DCUN1D3: variants seen among roughly 807,000 people sequenced by gnomAD.
DCUN1D3 encodes the protein DCN1-like protein 3.
In DCUN1D3, 6 loss-of-function variants were observed where a neutral mutation model predicts 24.8. That is an observed-to-expected ratio of 0.24 (90% CI 0.13 to 0.48). DCUN1D3 has a LOEUF of 0.48. DCUN1D3 is among the 20% of genes least tolerant of loss of function. The probability of loss-of-function intolerance (pLI) is 0.99; values close to 1 mark genes in which losing one functional copy is unlikely to be tolerated. For missense variants in DCUN1D3, 258 were observed against 379.4 expected (o/e 0.68, Z 2.66); for synonymous variants, 120 against 144.9 (o/e 0.83, Z 1.24).
At position 20,877,104 on chromosome 16, in the gene DCUN1D3, G is replaced by A. The variant is rs572924980; in HGVS notation, c.-105-14461C>T. 1.1e-4 allele frequency among the ~76,000 whole-genome samples: 16 copies of A among 152,068 alleles called. No individual in the cohort carries two copies. The East Asian group carries it at 2.9e-3, about 27-fold the overall frequency. On this transcript the variant is annotated intron_variant, in intron 1 of 2. Coordinates refer to ENST00000324344, the MANE Select transcript of DCUN1D3 (RefSeq NM_173475.4). ...GGAAGAGAATAATTTAAATGATCCC[G>A]GCATAAAGAAAAGATAAATATTTAA... is the stretch of plus-strand genomic sequence containing the variant.
rs941420294 is a variant in DCUN1D3, at chr16:20,875,379, T to TA, written c.-105-12737dup. 5.9e-5 allele frequency among the ~76,000 whole-genome samples: 9 copies of TA among 152,172 alleles called. 1 individual carries two copies. Among genetic ancestry groups the TA allele is most frequent in the Admixed American group, 2.6e-4 (4 of 15,278 alleles). On this transcript the variant is annotated intron_variant, in intron 1 of 2. Coordinates refer to ENST00000324344, the MANE Select transcript of DCUN1D3 (RefSeq NM_173475.4). ...CTCACTCAAAAACCAGTTGCACAGA[T>TA]ATTGCAGCTCCTTCAGCTGCTCCAG...
intron 1 of DCUN1D3, among the ~76,000 whole-genome samples, chr16:20,886,723 C>G (rs910273599): frequency 6.6e-6 from 1 of 152,208 alleles, no homozygotes; most frequent in Non-Finnish European, 1.5e-5. Context: ...CCCTGTCCTG[C>G]CTTACAAGAA....
chr16:20,895,995 T>C (rs2081914145), intron 1 of DCUN1D3, among the ~76,000 whole-genome samples: 1 of 152,228 alleles, frequency 6.6e-6, no homozygotes, highest in African/African-American at 2.4e-5. Context: ...ACAACCATTC[T>C]GTTTTTCACT....
chr16:20,890,872 G>T (rs1176860166), intron 1 of DCUN1D3, among the ~76,000 whole-genome samples: 1 of 151,220 alleles, frequency 6.6e-6, no homozygotes, highest in East Asian at 1.9e-4. Flanking sequence ...GGCACTAGCA[G>T]GAAATCAGGT....
intron 1 of DCUN1D3, among the ~76,000 whole-genome samples, chr16:20,872,281 G>A (rs2081792145): frequency 6.6e-6 from 1 of 152,116 alleles, no homozygotes; most frequent in Non-Finnish European, 1.5e-5. Context: ...GGCAAGAAAG[G>A]AAATTATGAA....
intron 1 of DCUN1D3, among the ~76,000 whole-genome samples, chr16:20,869,331 G>C (rs1312177378): frequency 1.3e-5 from 2 of 152,348 alleles, no homozygotes; most frequent in Non-Finnish European, 2.9e-5. Flanking sequence ...GAGAAGGAGA[G>C]AGAAGTGTGA....
At position 20,860,255 on chromosome 16, in the gene DCUN1D3, G is replaced by C; in HGVS notation, c.546C>G (p.Leu182=). ...GGCCAAACTGAAATGTAAACCGGTA[G>C]AGATCCTTGAATTTATCCTCTTGTT... ...EAKQEDKFKD[L]YRFTFQFGLD... Residue 182 remains leucine, a synonymous_variant, in exon 3 of 3, where the codon CTC becomes CTG. Coordinates refer to ENST00000324344, the MANE Select transcript of DCUN1D3 (RefSeq NM_173475.4). The surrounding 1 kb of genome is among the most constrained non-coding windows in gnomAD (Gnocchi z 4.3). 1.2e-6 allele frequency: 2 copies of C among 1,614,246 alleles called. No individual in the cohort carries two copies. The highest frequency in any genetic ancestry group is 1.7e-6 in the Non-Finnish European group (2 of 1,180,046).
intron 1 of DCUN1D3, among the ~76,000 whole-genome samples, chr16:20,885,848 G>A (rs2081865913): frequency 6.6e-6 from 1 of 152,146 alleles, no homozygotes; most frequent in Admixed American, 6.5e-5. Context: ...CTACAGGTCA[G>A]CTCTTGAGAT....
intron 1 of DCUN1D3, among the ~76,000 whole-genome samples, chr16:20,885,723 T>C (rs2081865406): frequency 6.6e-6 from 1 of 152,214 alleles, no homozygotes; most frequent in Non-Finnish European, 1.5e-5. Flanking sequence ...TGTTGAATTA[T>C]GAGCAATATG....
intron 1 of DCUN1D3, among the ~76,000 whole-genome samples, chr16:20,897,500 G>A (rs2152519579): frequency 6.6e-6 from 1 of 152,282 alleles, no homozygotes. Flanking sequence ...TTAGTCATCA[G>A]AAGGATCAGA....
intron 1 of DCUN1D3, among the ~76,000 whole-genome samples, chr16:20,879,212 C>T (rs892143213): frequency 7.9e-5 from 12 of 152,138 alleles, no homozygotes; most frequent in Admixed American, 3.3e-4. Flanking sequence ...TAGCTGGAGA[C>T]GGGGTATCAC....
In DCUN1D3 at chr16:20,862,283, A is replaced by G. The variant is rs2081737476; in HGVS notation, c.256T>C (p.Ser86Pro). ...GRESKSNAEE[S>P]SLQRLEELFR... ...AGTTCTTCCAATCTTTGCAAGGAAG[A>G]CTCCTCGGCATTGGACTTGGACTCC... The change falls in exon 2 of 3, where the codon TCT becomes CCT. Residue 86 changes from serine (S) to proline (P), a missense_variant. Ser to Pro is a moderately conservative substitution (Grantham distance 74, BLOSUM62 -1). Coordinates refer to ENST00000324344, the MANE Select transcript of DCUN1D3 (RefSeq NM_173475.4). 1 of 1,613,962 alleles carries G rather than the reference A, an allele frequency of 6.2e-7. No homozygotes were observed. The highest frequency in any genetic ancestry group is 2.2e-5 in the East Asian group (1 of 44,876).
In DCUN1D3 at chr16:20,865,247, AAAG is replaced by A. The variant is rs145851569; in HGVS notation, c.-105-2607_-105-2605del. 7.5e-3 allele frequency among the ~76,000 whole-genome samples: 1,146 copies of A among 152,262 alleles called. 22 individuals are homozygous for A. Among genetic ancestry groups the A allele is most frequent in the African/African-American group, 0.026 (1,078 of 41,574 alleles). On this transcript the variant is annotated intron_variant, in intron 1 of 2. Transcript: ENST00000324344. Reference sequence around the variant, plus strand: ...AAAGTGGGAAAAAAATAGAAAAACAAAAGAAGGACAGATTTACCCAAATACAAT... The same window carrying A: ...AAAGTGGGAAAAAAATAGAAAAACAAAAGGACAGATTTACCCAAATACAAT...
At chr16:20,891,776 T>C (rs544494942) in intron 1 of DCUN1D3, among the ~76,000 whole-genome samples, 2 of 152,222 alleles carry the variant, frequency 1.3e-5, no homozygotes, top group Admixed American at 6.5e-5. Flanking sequence ...GGCAGAAATA[T>C]GCTTTCCAGT....
intron 1 of DCUN1D3, among the ~76,000 whole-genome samples, chr16:20,869,397 G>A (rs1258819756): frequency 6.6e-6 from 1 of 152,222 alleles, no homozygotes; most frequent in African/African-American, 2.4e-5. Flanking sequence ...ATCAGTATCT[G>A]TGGAGCCTGG....
intron 1 of DCUN1D3, among the ~76,000 whole-genome samples, chr16:20,864,176 G>A (rs1169163467): frequency 2.0e-5 from 3 of 151,948 alleles, no homozygotes; most frequent in African/African-American, 7.3e-5. Flanking sequence ...AAACTATCGA[G>A]AGATAGCAAA....
In DCUN1D3 at chr16:20,890,471, T is replaced by A. The variant is rs187120919; in HGVS notation, c.-106+9733A>T. Among the ~76,000 whole-genome samples the A allele has an allele frequency of 2.3e-3, 342 of 150,076 alleles. 4 individuals are homozygous for A. In the East Asian group the frequency reaches 0.032, roughly 14 times the overall value. ...GACTCCATCTCTACAAAAAAAAAAT[T>A]TTTTTTAACTAGCCAGCCATGGAGG... On this transcript the variant is annotated intron_variant, in intron 1 of 2. Coordinates refer to ENST00000324344, the MANE Select transcript of DCUN1D3 (RefSeq NM_173475.4).
chr16:20,868,287 A>G (rs755912225), intron 1 of DCUN1D3, among the ~76,000 whole-genome samples: 14 of 152,226 alleles, frequency 9.2e-5, no homozygotes, highest in Non-Finnish European at 1.5e-5. Context: ...ACATTAAGAA[A>G]GCTATATATA....
In DCUN1D3 at chr16:20,859,539, CCAAAAAAAAAAAAAAAAAAA is replaced by C. The variant is rs1363450472; in HGVS notation, c.*327_*346del. The C allele has an allele frequency of 2.3e-5, 3 of 133,238 alleles. No homozygotes were observed. Among genetic ancestry groups the C allele is most frequent in the East Asian group, 2.1e-4 (1 of 4,668 alleles). The allele number at this position is 133,238 out of a possible 1,614,324, so 8.3% of individuals were successfully genotyped here. ...CCGCCCTGCTCTATGCCCTCCCCTACCAAAAAAAAAAAAAAAAAAACAAAAAAAAACAAAAAAAAAACCTA... is the reference window on the plus strand; with the variant it reads ...CCGCCCTGCTCTATGCCCTCCCCTACCAAAAAAAAACAAAAAAAAAACCTA... On this transcript the variant is annotated 3_prime_UTR_variant, in exon 3 of 3. Coordinates refer to ENST00000324344, the MANE Select transcript of DCUN1D3 (RefSeq NM_173475.4).
Sources: gnomAD v4.1 joint callset for allele counts (sites outside exome capture counted in the v4.1 genomes callset) on GRCh38, gnomAD v4.1.1 for gene constraint, Gnocchi (gnomAD v3.1) non-coding constraint, MANE v1.5 for transcripts, NCBI Gene and HGNC (gene_info 2026-07-23, HGNC 2026-07-21) for gene names.